Variants in CDK5RAP2 observed in about 807,000 individuals in gnomAD.
CDK5RAP2 encodes CDK5 regulatory subunit associated protein 2, also known as CDK5 regulatory subunit-associated protein 2.
In CDK5RAP2, 147 loss-of-function variants were observed where a neutral mutation model predicts 232.9. That is an observed-to-expected ratio of 0.63 (90% confidence interval 0.55 to 0.72). The LOEUF (loss-of-function observed/expected upper bound fraction) is 0.72. CDK5RAP2 is among the 30% of genes least tolerant of loss of function. The probability of loss-of-function intolerance (pLI) is 0.00; values close to 1 mark genes in which losing one functional copy is unlikely to be tolerated. For missense variants in CDK5RAP2, 2,195 were observed against 2,231.5 expected (o/e 0.98, Z 0.33); for synonymous variants, 833 against 833.7 (o/e 1.00, Z 0.01).
At chr9:120,579,452 G>A (rs1311099996) in intron 1 of CDK5RAP2, among the ~76,000 whole-genome samples, 1 of 152,152 alleles carries the variant, frequency 6.6e-6, no homozygotes, top group Non-Finnish European at 1.5e-5. Flanking sequence ...CTCTAGCCAA[G>A]GTTCTTAATC....
At chr9:120,526,095 A>G (rs577022777) in intron 10 of CDK5RAP2, among the ~76,000 whole-genome samples, 2 of 152,210 alleles carry the variant, frequency 1.3e-5, no homozygotes, top group Admixed American at 1.3e-4. Flanking sequence ...CAGTCCCATC[A>G]TCAACCTTCT....
rs1308028799 is a variant in CDK5RAP2, at chr9:120,473,653, T to C, written c.1728-1775A>G. 2.0e-5 allele frequency among the ~76,000 whole-genome samples: 3 copies of C among 152,216 alleles called. No individual in the cohort carries two copies. In the East Asian group the frequency reaches 5.8e-4, roughly 29 times the overall value. On this transcript the variant is annotated intron_variant, in intron 15 of 37. Transcript: ENST00000349780. ...GCCCTACTAGCAACTTGTATCTAGT[T>C]CCATTTTAAGACAATCATAATGATC...
chr9:120,492,407 C>T (rs549627453), intron 12 of CDK5RAP2, among the ~76,000 whole-genome samples: 1 of 152,140 alleles, frequency 6.6e-6, no homozygotes, highest in South Asian at 2.1e-4. Flanking sequence ...AACCATAAAA[C>T]AAATTAAATG....
At chr9:120,518,719 T>C (rs1389062983) in intron 11 of CDK5RAP2, 74 bp from the exon 12 acceptor site, 8 of 1,180,396 alleles carry the variant, frequency 6.8e-6, no homozygotes, top group Admixed American at 1.8e-5. Flanking sequence ...ACCTGGGCTC[T>C]TTTTCGCCGT....
intron 7 of CDK5RAP2, among the ~76,000 whole-genome samples, chr9:120,533,549 C>T (rs1387999416): frequency 2.0e-5 from 3 of 152,062 alleles, no homozygotes; most frequent in African/African-American, 4.8e-5. Context: ...TCTGTAATCC[C>T]AGCACTTTGA....
intron 14 of CDK5RAP2, among the ~76,000 whole-genome samples, chr9:120,478,554 T>C (rs1177331109): frequency 6.6e-6 from 1 of 152,142 alleles, no homozygotes; most frequent in Non-Finnish European, 1.5e-5. Flanking sequence ...GGAAAATCAC[T>C]TGAGGCCCGG....
At position 120,453,829 on chromosome 9, in the gene CDK5RAP2, A is replaced by G. The variant is rs375429859; in HGVS notation, c.2420T>C (p.Leu807Pro). Residue 807 changes from leucine (L) to proline (P), a missense_variant, in exon 21 of 38, where the codon CTA (leucine) becomes CCA (proline). Coordinates refer to ENST00000349780, the MANE Select transcript of CDK5RAP2 (RefSeq NM_018249.6). ...AGAAACTTCCTGCTCTGTCAAGAAT[A>G]GTTGTCCCAGAAGCAGTTCCCGTAC... is the stretch of plus-strand genomic sequence containing the variant. Reference protein sequence around the residue: ...KVVRELLLGQLFLTEQEVSGE... With the variant: ...KVVRELLLGQPFLTEQEVSGE... 1.9e-6 allele frequency: 3 copies of G among 1,614,096 alleles called. No homozygotes were observed. The highest frequency in any genetic ancestry group is 2.5e-6 in the Non-Finnish European group (3 of 1,180,032).
At chr9:120,558,559 C>A (rs1201679418) in intron 3 of CDK5RAP2, among the ~76,000 whole-genome samples, 5 of 151,972 alleles carry the variant, frequency 3.3e-5, no homozygotes, top group Admixed American at 6.6e-5. Context: ...ATCATCTGGC[C>A]CCTGTCCACC....
At chr9:120,538,519 T>C (rs2131978473) in intron 6 of CDK5RAP2, among the ~76,000 whole-genome samples, 1 of 152,200 alleles carries the variant, frequency 6.6e-6, no homozygotes, top group South Asian at 2.1e-4. Context: ...AGACATTCCA[T>C]GAGCACCAGC....
intron 20 of CDK5RAP2, among the ~76,000 whole-genome samples, chr9:120,455,635 C>A (rs184135583): frequency 8.0e-4 from 122 of 151,754 alleles, no homozygotes; most frequent in African/African-American, 2.9e-3. Flanking sequence ...CCCAGCTACT[C>A]GGGAGGCTGA....
chr9:120,472,896 A>G (rs960422260), intron 15 of CDK5RAP2, among the ~76,000 whole-genome samples: 1 of 152,236 alleles, frequency 6.6e-6, no homozygotes. Flanking sequence ...CTAATGTACC[A>G]AGGAACTGAA....
At chr9:120,455,370 T>TA (rs77949035) in intron 20 of CDK5RAP2, among the ~76,000 whole-genome samples, 11,695 of 94,042 alleles carry the variant, frequency 0.12, 774 homozygotes, top group East Asian at 0.35. Flanking sequence ...TACAACACGT[T>TA]AAAAAAAAAA....
At chr9:120,557,902 A>G (rs868847047) in intron 3 of CDK5RAP2, among the ~76,000 whole-genome samples, 2 of 148,096 alleles carry the variant, frequency 1.4e-5, no homozygotes, top group Non-Finnish European at 3.0e-5. Flanking sequence ...AGCAGCTGGG[A>G]TTACAGGTGC....
At position 120,389,872 on chromosome 9, in the gene CDK5RAP2, C is replaced by T; in HGVS notation, c.5579-85G>A. The T allele has an allele frequency of 2.3e-6, 3 of 1,278,920 alleles. No individual in the cohort carries two copies. The Admixed American group carries it at 5.2e-5, about 22-fold the overall frequency. The allele number at this position is 1,278,920 out of a possible 1,614,324, so 79.2% of individuals were successfully genotyped here. ...AAAGCCAAGTGCAGGGAGGATGAACCCCACCCCAAAGGGCTCGGACATGTA... is the reference window on the plus strand; with the variant it reads ...AAAGCCAAGTGCAGGGAGGATGAACTCCACCCCAAAGGGCTCGGACATGTA... On this transcript the variant is annotated intron_variant, in intron 36 of 37. Coordinates refer to ENST00000349780, the MANE Select transcript of CDK5RAP2 (RefSeq NM_018249.6).
chr9:120,453,367 A>G (rs939438582), intron 21 of CDK5RAP2, 89 bp downstream of exon 21: 6 of 1,235,670 alleles, frequency 4.9e-6, no homozygotes, highest in Non-Finnish European at 6.8e-6. Flanking sequence ...TGTCATATAA[A>G]TGGGAAAAAA....
intron 14 of CDK5RAP2, 72 bp from the exon 15 acceptor site, chr9:120,477,522 A>T: frequency 8.7e-7 from 1 of 1,144,896 alleles, no homozygotes; most frequent in Non-Finnish European, 1.3e-6. Flanking sequence ...TTATGCAAAC[A>T]TATGTAGCTA....
intron 7 of CDK5RAP2, among the ~76,000 whole-genome samples, chr9:120,532,070 C>G (rs1371018369): frequency 6.6e-6 from 1 of 151,682 alleles, no homozygotes; most frequent in African/African-American, 2.4e-5. Context: ...GTAGGCAGGC[C>G]TGGTGGGGAC....
intron 14 of CDK5RAP2, among the ~76,000 whole-genome samples, chr9:120,481,890 T>G (rs772931247): frequency 6.6e-5 from 10 of 152,182 alleles, no homozygotes; most frequent in Non-Finnish European, 1.2e-4. Context: ...ATTAAATGAG[T>G]TAATCCAGAC....
intron 7 of CDK5RAP2, among the ~76,000 whole-genome samples, chr9:120,533,178 T>C (rs896379692): frequency 6.6e-6 from 1 of 152,098 alleles, no homozygotes; most frequent in South Asian, 2.1e-4. Context: ...TCACGACATA[T>C]ATTTTTTTTA....
Sources: gnomAD v4.1 joint callset for allele counts (sites outside exome capture counted in the v4.1 genomes callset) on GRCh38, gnomAD v4.1.1 for gene constraint, MANE v1.5 for transcripts, NCBI Gene and HGNC (gene_info 2026-07-23, HGNC 2026-07-21) for gene names.